ZBTB7C: variants seen among roughly 807,000 people sequenced by gnomAD.
ZBTB7C encodes zinc finger and BTB domain containing 7C.
ZBTB7C carries 8 observed loss-of-function variants against 25.7 expected under a neutral mutation model. The ratio of observed to expected loss-of-function variants is 0.31; its 90% confidence interval spans 0.18 to 0.56. The LOEUF (loss-of-function observed/expected upper bound fraction) is 0.56, where lower values mean the gene tolerates loss of function less well. Ranked by LOEUF, ZBTB7C falls within the 20% of genes least tolerant of loss-of-function variation. The pLI, the probability that ZBTB7C is intolerant of heterozygous loss-of-function variation, is 0.91. For missense variants in ZBTB7C, 824 were observed against 855.2 expected, an observed-to-expected ratio of 0.96 and a Z score of 0.46; for synonymous variants, 394 against 369.0, an observed-to-expected ratio of 1.07 and a Z score of -0.78.
intron 3 of ZBTB7C, among the ~76,000 whole-genome samples, chr18:48,109,292 A>G (rs929768505): frequency 6.6e-6 from 1 of 152,134 alleles, no homozygotes; most frequent in African/African-American, 2.4e-5. Context: ...CGGGTTCCCA[A>G]TTTTGAATAC....
At chr18:48,143,871 C>T (rs1219154225) in intron 3 of ZBTB7C, among the ~76,000 whole-genome samples, 2 of 152,176 alleles carry the variant, frequency 1.3e-5, no homozygotes, top group East Asian at 3.8e-4. Context: ...GGCTATAAAT[C>T]CGTACTTGTC....
intron 3 of ZBTB7C, among the ~76,000 whole-genome samples, chr18:48,179,015 G>A (rs2041785731): frequency 6.6e-6 from 1 of 152,158 alleles, no homozygotes; most frequent in African/African-American, 2.4e-5. Context: ...TGGGTGGAGG[G>A]GACAATGCCA....
chr18:48,180,262 G>A, intron 3 of ZBTB7C: 1 of 426,610 alleles, frequency 2.3e-6, no homozygotes, highest in Non-Finnish European at 4.7e-6. Flanking sequence ...ATTTCCTTGA[G>A]CAATCCTAAA....
chr18:48,084,654 C>G (rs1235024956), intron 3 of ZBTB7C, among the ~76,000 whole-genome samples: 1 of 152,180 alleles, frequency 6.6e-6, no homozygotes. Flanking sequence ...CAGATTCAGA[C>G]CCAGTGTGGC....
intron 2 of ZBTB7C, among the ~76,000 whole-genome samples, chr18:48,215,123 A>G (rs777487344): frequency 7.7e-4 from 118 of 152,354 alleles, no homozygotes; most frequent in Non-Finnish European, 1.5e-3. Flanking sequence ...GGTTAAAAAG[A>G]CCAGTTCCAA....
At position 48,040,453 on chromosome 18, in the gene ZBTB7C, G is replaced by A. The variant is rs2036177421; in HGVS notation, c.655C>T (p.Leu219=). 6.2e-7 allele frequency: 1 copy of A among 1,607,762 alleles called. No homozygotes were observed. The highest frequency in any genetic ancestry group is 1.7e-5 in the Admixed American group (1 of 59,654). Residue 219 remains leucine (L), a synonymous_variant, in exon 4 of 5, where the codon CTG becomes TTG. Transcript: ENST00000590800. ...ATGGAGAAGTCCCGGATCACCCCCA[G>A]ATGGCCAGGACTGCCAGCCTGGAAG... ...DSFQAGSPGH[L]GVIRDFSIES... is the part of the protein sequence containing the mutation.
At chr18:48,231,532 A>G (rs1427947875) in intron 2 of ZBTB7C, among the ~76,000 whole-genome samples, 1 of 152,138 alleles carries the variant, frequency 6.6e-6, no homozygotes, top group East Asian at 1.9e-4. Context: ...GAGAGGAACT[A>G]CACGCTGTGG....
At chr18:48,410,952 C>G (rs2048379516), upstream of ZBTB7C, among the ~76,000 whole-genome samples, 1 of 152,242 alleles carries the variant, frequency 6.6e-6, no homozygotes, top group Non-Finnish European at 1.5e-5. Context: ...CTGCTGTGTC[C>G]TTTAATGCTG....
chr18:48,260,296 C>A (rs2044134476), intron 2 of ZBTB7C, among the ~76,000 whole-genome samples: 1 of 152,180 alleles, frequency 6.6e-6, no homozygotes, highest in Admixed American at 6.5e-5. Context: ...TGTAAATAAT[C>A]TGTAATGACA....
rs34052506 is a variant in ZBTB7C, at chr18:48,070,821, TC to T, written c.-16-29699del. 4.3e-4 allele frequency among the ~76,000 whole-genome samples: 65 copies of T among 152,296 alleles called. 3 individuals carry two copies. The highest frequency in any genetic ancestry group is 1.5e-3 in the African/African-American group (61 of 41,566). ...CATCCTGCCCTTCCCATGTTTCTGC[TC>T]TGATCCTTTCCTTGGCTTCCTTTTG... On this transcript the variant is annotated intron_variant, in intron 3 of 4. Transcript: ENST00000590800.
chr18:48,167,203 G>A (rs923414683), intron 3 of ZBTB7C, among the ~76,000 whole-genome samples: 5 of 152,046 alleles, frequency 3.3e-5, no homozygotes, highest in Non-Finnish European at 5.9e-5. Context: ...AGCTTTCCAC[G>A]GACAAGTGAT....
chr18:48,406,946 G>A (rs2048296511), intron 1 of ZBTB7C, among the ~76,000 whole-genome samples: 5 of 152,136 alleles, frequency 3.3e-5, no homozygotes, highest in Admixed American at 3.3e-4. Flanking sequence ...CATACACACT[G>A]GTACAAAATA....
intron 2 of ZBTB7C, among the ~76,000 whole-genome samples, chr18:48,213,855 G>T (rs2042759704): frequency 6.6e-6 from 1 of 152,216 alleles, no homozygotes; most frequent in Non-Finnish European, 1.5e-5. Flanking sequence ...TCTGGGCCGA[G>T]CTTTCATGTG....
chr18:48,078,880 T>C (rs1396307228), intron 3 of ZBTB7C, among the ~76,000 whole-genome samples: 2 of 152,236 alleles, frequency 1.3e-5, no homozygotes, highest in Non-Finnish European at 2.9e-5. Context: ...TATTAGTGCT[T>C]CATTCATTTT....
chr18:48,246,569 C>G (rs1019666230), intron 2 of ZBTB7C, among the ~76,000 whole-genome samples: 7 of 151,690 alleles, frequency 4.6e-5, no homozygotes, highest in African/African-American at 1.7e-4. Context: ...ATGTAGTTGT[C>G]TCTCGCAAAT....
At chr18:48,322,541 C>T (rs2046120831) in intron 2 of ZBTB7C, among the ~76,000 whole-genome samples, 1 of 152,194 alleles carries the variant, frequency 6.6e-6, no homozygotes, top group African/African-American at 2.4e-5. Context: ...ATAATCAAAA[C>T]ATAACAGATG....
chr18:48,384,843 G>C (rs552766430), intron 1 of ZBTB7C, among the ~76,000 whole-genome samples: 3 of 151,884 alleles, frequency 2.0e-5, no homozygotes, highest in Admixed American at 1.3e-4. Context: ...CACCATGCCC[G>C]GCTAATTTTT....
At chr18:48,358,754 CA>C (rs1422338469) in intron 1 of ZBTB7C, among the ~76,000 whole-genome samples, 3 of 152,104 alleles carry the variant, frequency 2.0e-5, no homozygotes, top group Admixed American at 6.5e-5. Flanking sequence ...TGGAGTGATG[CA>C]AATGTTTTAA....
At chr18:48,139,516 G>A (rs1568249834) in intron 3 of ZBTB7C, among the ~76,000 whole-genome samples, 1 of 152,082 alleles carries the variant, frequency 6.6e-6, no homozygotes, top group Non-Finnish European at 1.5e-5. Context: ...GGCTATGGGT[G>A]GTGCCAGGGC....
Sources: gnomAD v4.1 joint callset for allele counts (sites outside exome capture counted in the v4.1 genomes callset) on GRCh38, gnomAD v4.1.1 for gene constraint, MANE v1.5 for transcripts, NCBI Gene and HGNC (gene_info 2026-07-23, HGNC 2026-07-21) for gene names.